ABLIM3: variants seen among roughly 807,000 people sequenced by gnomAD.
ABLIM3 encodes actin binding LIM protein family member 3.
A neutral mutation model predicts 109.5 loss-of-function variants in ABLIM3; 61 were observed. That is an observed-to-expected ratio of 0.56 (90% CI 0.45 to 0.69). The LOEUF is 0.69. ABLIM3 is among the 30% of genes least tolerant of loss of function. The pLI is 0.00. For missense variants in ABLIM3, 796 were observed against 889.5 expected (o/e 0.89, Z 1.34); for synonymous variants, 300 against 324.8 (o/e 0.92, Z 0.82).
chr5:149,156,706 G>T (rs1038887483), intron 2 of ABLIM3, among the ~76,000 whole-genome samples: 7 of 152,202 alleles, frequency 4.6e-5, no homozygotes, highest in Non-Finnish European at 8.8e-5. Flanking sequence ...GAATGTTGGA[G>T]AGGGCAATTC....
At chr5:149,179,456 C>A (rs1561557616) in intron 2 of ABLIM3, among the ~76,000 whole-genome samples, 1 of 152,182 alleles carries the variant, frequency 6.6e-6, no homozygotes, top group East Asian at 1.9e-4. Context: ...ATTTATTTCA[C>A]TGCTCATGAT....
At chr5:149,212,877 C>A (rs1759699253) in intron 7 of ABLIM3, among the ~76,000 whole-genome samples, 3 of 152,142 alleles carry the variant, frequency 2.0e-5, no homozygotes, top group African/African-American at 7.2e-5. Context: ...GTAATCCCAG[C>A]ACTTTGGGAT....
chr5:149,230,020 G>T (rs1402704765), intron 8 of ABLIM3, among the ~76,000 whole-genome samples: 2 of 152,192 alleles, frequency 1.3e-5, no homozygotes, highest in African/African-American at 4.8e-5. Flanking sequence ...GATAGCTCTG[G>T]TAGACAGTCA....
rs369368750 is a variant in ABLIM3 at position 149,150,384 on chromosome 5, T to C, written c.13+8276T>C. 3.3e-5 allele frequency among the ~76,000 whole-genome samples: 5 copies of C among 152,300 alleles called. No homozygotes were observed. The South Asian group carries it at 1.0e-3, about 32-fold the overall frequency. ...GAAGTGATTATTTACTCCACAAGGA[T>C]AGAGATTGTTTTAAAACAGTACTTC... On this transcript the variant is annotated intron_variant, in intron 2 of 23. Coordinates refer to ENST00000309868, the MANE Select transcript of ABLIM3 (RefSeq NM_014945.5).
At chr5:149,200,225 G>A (rs2127498380) in intron 4 of ABLIM3, 91 bp from the exon 5 acceptor site, 1 of 1,071,120 alleles carries the variant, frequency 9.3e-7, no homozygotes, top group African/African-American at 1.6e-5. Context: ...CAAGCTGTAT[G>A]TGTTACCAAA....
intron 5 of ABLIM3, among the ~76,000 whole-genome samples, chr5:149,204,964 T>C (rs868475796): frequency 6.6e-6 from 1 of 152,214 alleles, no homozygotes; most frequent in Non-Finnish European, 1.5e-5. Context: ...CATGAAAGGA[T>C]ACAGCTATGC....
At chr5:149,239,703 G>A (rs1752598692) in intron 12 of ABLIM3, 56 bp from the exon 13 acceptor site, 13 of 1,521,116 alleles carry the variant, frequency 8.5e-6, no homozygotes, top group Admixed American at 4.4e-5. Context: ...CTAGACCCTC[G>A]GGCCACAGGC....
intron 8 of ABLIM3, among the ~76,000 whole-genome samples, chr5:149,229,858 T>C (rs1761671968): frequency 6.6e-6 from 1 of 152,216 alleles, no homozygotes; most frequent in Non-Finnish European, 1.5e-5. Context: ...CTTTCGGGTT[T>C]GGGGCTGGCC....
rs376872688 is a variant in ABLIM3, at chr5:149,230,654, G to A, written c.763G>A (p.Glu255Lys). 9.9e-6 allele frequency: 16 copies of A among 1,613,860 alleles called. No homozygotes were observed. Among genetic ancestry groups the A allele is most frequent in the African/African-American group, 6.7e-5 (5 of 74,870 alleles). ...TTATTTTCATGACCCCTTAGGTTCC[G>A]AGGTTTGGCACCCCATCTGCAAACA... ...EGEEMYLTGSEVWHPICKQAA... is the reference protein window; with the variant it reads ...EGEEMYLTGSKVWHPICKQAA... Residue 255 changes from glutamate to lysine, a missense_variant, in exon 9 of 24, where the codon GAG (glutamate) becomes AAG (lysine). Coordinates refer to ENST00000309868, the MANE Select transcript of ABLIM3 (RefSeq NM_014945.5).
chr5:149,251,132 T>C (rs192153753), intron 20 of ABLIM3, among the ~76,000 whole-genome samples: 2 of 152,292 alleles, frequency 1.3e-5, no homozygotes, highest in Non-Finnish European at 2.9e-5. Context: ...AAAGAAAGCA[T>C]GAAGTGAAAT....
chr5:149,209,392 G>T (rs1759323877), intron 6 of ABLIM3, among the ~76,000 whole-genome samples: 1 of 152,202 alleles, frequency 6.6e-6, no homozygotes, highest in African/African-American at 2.4e-5. Flanking sequence ...ATGTGACCTT[G>T]GCAAGGGACT....
chr5:149,252,142 A>T, intron 21 of ABLIM3, 59 bp from the exon 22 acceptor site: 1 of 1,607,210 alleles, frequency 6.2e-7, no homozygotes, highest in Non-Finnish European at 8.5e-7. Context: ...CTGTGTAGTG[A>T]TGCAAAGCAA....
chr5:149,183,728 C>T, intron 3 of ABLIM3, 139 bp downstream of exon 3: 1 of 1,016,770 alleles, frequency 9.8e-7, no homozygotes. Context: ...CCCTGAGCCT[C>T]TTCTTATGAG....
intron 8 of ABLIM3, among the ~76,000 whole-genome samples, chr5:149,228,449 A>G (rs187674819): frequency 1.3e-5 from 2 of 152,290 alleles, no homozygotes; most frequent in African/African-American, 2.4e-5. Flanking sequence ...AGTCATTCAC[A>G]TGCATTTCTT....
chr5:149,237,514 T>C lies in ABLIM3; in HGVS notation c.955T>C (p.Tyr319His). The C allele has an allele frequency of 6.2e-7, 1 of 1,614,198 alleles. No individual in the cohort carries two copies. The highest frequency in any genetic ancestry group is 1.1e-5 in the South Asian group (1 of 91,078). Residue 319 changes from tyrosine (Y) to histidine (H), a missense_variant, in exon 11 of 24, where the codon TAC becomes CAC. Physicochemically the swap from Tyr to His is moderately conservative, Grantham distance 83 (BLOSUM62 2). Coordinates refer to ENST00000309868, the MANE Select transcript of ABLIM3 (RefSeq NM_014945.5). ...LAALPKVKSI[Y>H]EVQRPDLISY... ...GGCTCTCCCCAAGGTTAAGTCTATC[T>C]ACGAGGTACAACGCCCCGACCTCAT...
intron 2 of ABLIM3, among the ~76,000 whole-genome samples, chr5:149,175,577 A>G (rs1755851917): frequency 1.3e-5 from 2 of 152,116 alleles, no homozygotes; most frequent in Non-Finnish European, 1.5e-5. Flanking sequence ...CCACGGACAC[A>G]GGCACAGTCA....
intron 2 of ABLIM3, chr5:149,176,941 T>C (rs899719659): frequency 1.3e-5 from 2 of 152,280 alleles, no homozygotes; most frequent in Non-Finnish European, 2.9e-5. Context: ...CAAGAACAGA[T>C]ACCTCCATGC....
intron 3 of ABLIM3, among the ~76,000 whole-genome samples, chr5:149,190,771 C>T (rs1757407920): frequency 6.6e-6 from 1 of 152,112 alleles, no homozygotes; most frequent in Admixed American, 6.5e-5. Flanking sequence ...ACAACAAACT[C>T]TCATTAAATG....
chr5:149,233,750 C>G lies in ABLIM3; in HGVS notation c.888+450C>G, dbSNP rs182852958. 9.2e-4 allele frequency among the ~76,000 whole-genome samples: 140 copies of G among 152,278 alleles called. 5 individuals carry two copies. In the South Asian group the frequency reaches 0.024, roughly 26 times the overall value. ...AGAAAGGAGAAGGAAGCCACATACA[C>G]ATGTGGAAACATGGCTGTAAAGAAT... On this transcript the variant is annotated intron_variant, in intron 10 of 23. Transcript: ENST00000309868.
Sources: gnomAD v4.1 joint callset for allele counts (sites outside exome capture counted in the v4.1 genomes callset) on GRCh38, gnomAD v4.1.1 for gene constraint, MANE v1.5 for transcripts, NCBI Gene and HGNC (gene_info 2026-07-23, HGNC 2026-07-21) for gene names.